ZFX: variants seen among roughly 807,000 people sequenced by gnomAD.
The protein encoded by ZFX is zinc finger X-chromosomal protein.
For synonymous variants in ZFX, 196 were observed against 226.8 expected (o/e 0.86, Z 1.22); for missense variants, 362 against 628.3 (o/e 0.58, Z 4.53).
At chrX:24,197,993 A>G (rs115880922) in intron 5 of ZFX, among the ~76,000 whole-genome samples, 2,797 of 111,715 alleles carry the variant, frequency 0.025, 83 homozygotes, top group African/African-American at 0.086. Flanking sequence ...GGATCAATCA[A>G]TAGAAAGAAC....
In ZFX at chrX:24,176,760, G is replaced by A. The variant is rs1428829744; in HGVS notation, c.59-2423G>A. ...ATCATTTTTGGTTGTTGATTAAGCTGTGTATTTCTCTGAGGGCCTGGCCAG... is the reference window on the plus strand; with the variant it reads ...ATCATTTTTGGTTGTTGATTAAGCTATGTATTTCTCTGAGGGCCTGGCCAG... On this transcript the variant is annotated intron_variant, in intron 4 of 9. Coordinates refer to ENST00000304543, the MANE Select transcript of ZFX (RefSeq NM_003410.4). 3.6e-5 allele frequency among the ~76,000 whole-genome samples: 4 copies of A among 110,193 alleles called. No homozygotes were observed. In the Admixed American group the frequency reaches 3.9e-4, roughly 11 times the overall value.
chrX:24,159,831 G>A (rs1452430617), intron 3 of ZFX, among the ~76,000 whole-genome samples: 1 of 111,622 alleles, frequency 9.0e-6, no homozygotes. Flanking sequence ...GATTATCTGT[G>A]CTTGGTGTCT....
At chrX:24,209,448 C>T (rs938860620) in intron 9 of ZFX, among the ~76,000 whole-genome samples, 3 of 112,044 alleles carry the variant, frequency 2.7e-5, no homozygotes, top group Non-Finnish European at 3.8e-5. Flanking sequence ...TGATGATTTG[C>T]GTATTAAAAA....
intron 3 of ZFX, among the ~76,000 whole-genome samples, chrX:24,157,322 C>T (rs1022512376): frequency 1.3e-4 from 14 of 111,885 alleles, no homozygotes; most frequent in African/African-American, 4.2e-4. Flanking sequence ...GTATTGATCA[C>T]GTAACCTTGC....
chrX:24,205,988 C>T (rs1242522927), intron 5 of ZFX, among the ~76,000 whole-genome samples: 5 of 108,942 alleles, frequency 4.6e-5, no homozygotes, highest in African/African-American at 1.3e-4. Context: ...TTCTGTCTCT[C>T]TCTGTTTGTT....
intron 4 of ZFX, chrX:24,177,618 C>G (rs1387331859): frequency 3.1e-6 from 2 of 641,020 alleles, no homozygotes; most frequent in Non-Finnish European, 3.7e-6. Flanking sequence ...ACCCAGTTGT[C>G]TTTCCTCCTC....
At chrX:24,165,219 C>T (rs1569129957) in intron 3 of ZFX, among the ~76,000 whole-genome samples, 1 of 112,312 alleles carries the variant, frequency 8.9e-6, no homozygotes, top group Non-Finnish European at 1.9e-5. Context: ...CTCCTGAGTT[C>T]AAGCAGTTCC....
chrX:24,172,181 T>G (rs1409794767), intron 3 of ZFX, among the ~76,000 whole-genome samples: 1 of 112,046 alleles, frequency 8.9e-6, no homozygotes, highest in Admixed American at 9.5e-5. Flanking sequence ...GCACTTTGAA[T>G]TTTTATCATT....
intron 5 of ZFX, among the ~76,000 whole-genome samples, chrX:24,195,660 G>A (rs893957916): frequency 1.8e-5 from 2 of 111,014 alleles, no homozygotes; most frequent in Non-Finnish European, 3.8e-5. Flanking sequence ...CGGCGTGCCC[G>A]GCTAATTTTT....
Position 24,195,002 on chromosome X carries a change from C to T in ZFX, c.647-12324C>T, listed in dbSNP as rs1228656170. ...ACCTCAAGTGATCCTCCCACATTGG[C>T]CTCCCAAAGTGCTGGGATTACAGGC... On this transcript the variant is annotated intron_variant, in intron 5 of 9. Transcript: ENST00000304543. Among the ~76,000 whole-genome samples, 4 of 110,971 alleles carry T rather than the reference C, an allele frequency of 3.6e-5. No homozygotes were observed. In the East Asian group the frequency reaches 1.1e-3, roughly 31 times the overall value.
chrX:24,184,271 T>G (rs1048546969), intron 5 of ZFX, among the ~76,000 whole-genome samples: 2 of 111,631 alleles, frequency 1.8e-5, no homozygotes. Flanking sequence ...AGAGTTGAGT[T>G]CGTCCCAGTT....
intron 3 of ZFX, among the ~76,000 whole-genome samples, chrX:24,167,788 A>G (rs1347892089): frequency 8.9e-6 from 1 of 111,985 alleles, no homozygotes; most frequent in Non-Finnish European, 1.9e-5. Context: ...TACATCCTGT[A>G]ATAAATGCTA....
rs66467960 is a variant in ZFX at position 24,163,364 on chromosome X, G to GTTTTTTTTT, written c.-28-9328_-28-9320dup. Among the ~76,000 whole-genome samples, 14 of 19,061 alleles carry GTTTTTTTTT rather than the reference G, an allele frequency of 7.3e-4. 2 individuals carry two copies. Among genetic ancestry groups the GTTTTTTTTT allele is most frequent in the Non-Finnish European group, 1.1e-3 (14 of 12,225 alleles). 16.6% of individuals were successfully genotyped at this position (19,061 alleles called of 115,157 possible). A position where few individuals can be genotyped will look rare whatever the true frequency, so the allele number is the denominator to read the frequency against. On this transcript the variant is annotated intron_variant, in intron 3 of 9. Transcript: ENST00000304543. ...AATTTGGTTAAATTATTTTTGTTAG[G>GTTTTTTTTT]TTTTTTTTTTTTTTTTTTTTTTTTT...
At chrX:24,186,624 TAAA>T (rs1005928900) in intron 5 of ZFX, among the ~76,000 whole-genome samples, 1 of 109,406 alleles carries the variant, frequency 9.1e-6, no homozygotes, top group Non-Finnish European at 1.9e-5. Context: ...CCCCATCTCT[TAAA>T]AAAAAATCAA....
At chrX:24,149,187 G>A (rs1312866687), upstream of ZFX, 26 of 109,844 alleles carry the variant, frequency 2.4e-4, no homozygotes, top group African/African-American at 7.6e-4. Context: ...CATTTACTGC[G>A]GGCGGGGGTC....
intron 5 of ZFX, among the ~76,000 whole-genome samples, chrX:24,201,398 A>ATGAT (rs914729635): frequency 9.8e-5 from 11 of 112,810 alleles, no homozygotes; most frequent in African/African-American, 3.5e-4. Context: ...AAGCTCTAAA[A>ATGAT]TGATTGGATT....
chrX:24,161,604 G>C (rs2147322862), intron 3 of ZFX: 1 of 111,642 alleles, frequency 9.0e-6, no homozygotes, highest in South Asian at 3.7e-4. Flanking sequence ...TTAAAGAAAG[G>C]TGTATTGGGA....
At chrX:24,208,393 G>A (rs1346508487) in intron 8 of ZFX, 23 bp downstream of exon 8, 2 of 1,197,837 alleles carry the variant, frequency 1.7e-6, no homozygotes. Flanking sequence ...GCAGCTCTTA[G>A]CATTGAAGAA....
chrX:24,164,798 G>C (rs914473184), intron 3 of ZFX, among the ~76,000 whole-genome samples: 4 of 109,778 alleles, frequency 3.6e-5, no homozygotes, highest in Non-Finnish European at 5.7e-5. Context: ...TTAGCCAGGC[G>C]TGGTGGTGCA....
Sources: gnomAD v4.1 joint callset for allele counts (sites outside exome capture counted in the v4.1 genomes callset) on GRCh38, gnomAD v4.1.1 for gene constraint, MANE v1.5 for transcripts, NCBI Gene and HGNC (gene_info 2026-07-23, HGNC 2026-07-21) for gene names.